The following RBFOX1 variants were observed in gnomAD, a reference collection of about 807,000 sequenced individuals.
RBFOX1 encodes RNA binding fox-1 homolog 1, also known as RNA binding protein fox-1 homolog 1.
Under a neutral mutation model 57.7 loss-of-function variants are expected in RBFOX1, and 8 were observed. The ratio of observed to expected loss-of-function variants is 0.14; its 90% confidence interval spans 0.08 to 0.25. The LOEUF is 0.25. Ranked by LOEUF, RBFOX1 falls within the 10% of genes least tolerant of loss-of-function variation. The pLI is 1.00. For missense variants in RBFOX1, 611 were observed against 548.5 expected, an observed-to-expected ratio of 1.11 and a Z score of -1.14; for synonymous variants, 326 against 222.4, an observed-to-expected ratio of 1.47 and a Z score of -4.15.
At chr16:6,316,134 G>T (rs2081090980) in intron 1 of RBFOX1, among the ~76,000 whole-genome samples, 1 of 152,130 alleles carries the variant, frequency 6.6e-6, no homozygotes, top group Non-Finnish European at 1.5e-5. Context: ...TCCCGTCTCT[G>T]CTACTTAAGT....
chr16:7,176,863 G>C (rs768066806), intron 4 of RBFOX1, among the ~76,000 whole-genome samples: 21 of 152,150 alleles, frequency 1.4e-4, no homozygotes, highest in Non-Finnish European at 1.3e-4. Context: ...GTAAGACAGA[G>C]AGAAAGCAGG....
At chr16:7,440,656 C>T (rs764872313) in intron 4 of RBFOX1, among the ~76,000 whole-genome samples, 1 of 152,120 alleles carries the variant, frequency 6.6e-6, no homozygotes, top group Non-Finnish European at 1.5e-5. Context: ...ACAGGTTTTG[C>T]TCCAAGACTC....
intron 4 of RBFOX1, among the ~76,000 whole-genome samples, chr16:7,174,312 T>C (rs1252233551): frequency 6.6e-6 from 1 of 152,232 alleles, no homozygotes; most frequent in Admixed American, 6.5e-5. Flanking sequence ...TTTATCCATT[T>C]ACCCATTTAT....
At chr16:6,935,672 C>G (rs779925631) in intron 3 of RBFOX1, among the ~76,000 whole-genome samples, 1 of 152,170 alleles carries the variant, frequency 6.6e-6, no homozygotes, top group Non-Finnish European at 1.5e-5. Flanking sequence ...ATGTAATGTG[C>G]CTTATTCAAA....
intron 14 of RBFOX1, among the ~76,000 whole-genome samples, chr16:7,703,887 A>G (rs915489124): frequency 1.3e-5 from 2 of 152,212 alleles, no homozygotes; most frequent in Non-Finnish European, 2.9e-5. Flanking sequence ...ATGTGATTAT[A>G]TTAGAATGGA....
chr16:6,456,603 A>T (rs899492694), intron 2 of RBFOX1, among the ~76,000 whole-genome samples: 1 of 152,204 alleles, frequency 6.6e-6, no homozygotes, highest in Non-Finnish European at 1.5e-5. Flanking sequence ...ATTTAGAAAG[A>T]TAACTCTCCC....
At chr16:6,153,037 T>G (rs1039336427) in intron 1 of RBFOX1, among the ~76,000 whole-genome samples, 3 of 149,074 alleles carry the variant, frequency 2.0e-5, no homozygotes, top group South Asian at 2.1e-4. Flanking sequence ...TTTTCTGTTT[T>G]TTTTTTTTTT....
intron 2 of RBFOX1, among the ~76,000 whole-genome samples, chr16:6,542,307 TC>T (rs1271297446): frequency 1.3e-5 from 2 of 152,034 alleles, no homozygotes; most frequent in South Asian, 2.1e-4. Flanking sequence ...CTTTTCTCTT[TC>T]TTGAGTAGCA....
intron 3 of RBFOX1, among the ~76,000 whole-genome samples, chr16:5,617,236 C>T (rs1259260623): frequency 6.6e-6 from 1 of 152,172 alleles, no homozygotes; most frequent in Non-Finnish European, 1.5e-5. Context: ...TAGCACATGG[C>T]ATTCCTCTAA....
chr16:7,416,281 C>G (rs1181821621), intron 4 of RBFOX1, among the ~76,000 whole-genome samples: 1 of 152,216 alleles, frequency 6.6e-6, no homozygotes, highest in African/African-American at 2.4e-5. Context: ...TCAGACTACT[C>G]TGTGCCCGGA....
chr16:5,717,856 C>G (rs1359508736), intron 3 of RBFOX1, among the ~76,000 whole-genome samples: 1 of 152,190 alleles, frequency 6.6e-6, no homozygotes, highest in East Asian at 1.9e-4. Context: ...GTATTTTTGA[C>G]CATCTGTTTA....
chr16:7,567,619 C>CTATATA lies in RBFOX1; in HGVS notation c.271-12146_271-12141dup, dbSNP rs368067278. Among the ~76,000 whole-genome samples, 114 of 25,146 alleles carry CTATATA rather than the reference C, an allele frequency of 4.5e-3. 3 individuals are homozygous for CTATATA. The highest frequency in any genetic ancestry group is 0.021 in the South Asian group (18 of 862). 16.5% of individuals were successfully genotyped at this position (25,146 alleles called of 152,430 possible). ...TATATATATATCCCTTTATATGGCC[C>CTATATA]TATATATATATATATATCCCTATAT... On this transcript the variant is annotated intron_variant, in intron 5 of 15. Transcript: ENST00000550418.
chr16:7,163,311 C>T (rs927028034), intron 4 of RBFOX1, among the ~76,000 whole-genome samples: 1 of 152,050 alleles, frequency 6.6e-6, no homozygotes, highest in African/African-American at 2.4e-5. Flanking sequence ...GAGCCCTTGT[C>T]CCCTGGTGAT....
At chr16:5,424,482 A>C (rs1191952740) in intron 1 of RBFOX1, among the ~76,000 whole-genome samples, 1 of 151,804 alleles carries the variant, frequency 6.6e-6, no homozygotes, top group Non-Finnish European at 1.5e-5. Context: ...AAGATAGGCC[A>C]GGGGCCCAGC....
chr16:6,293,611 T>C (rs776859864), intron 1 of RBFOX1, among the ~76,000 whole-genome samples: 1 of 152,108 alleles, frequency 6.6e-6, no homozygotes, highest in Non-Finnish European at 1.5e-5. Context: ...TGTGATACCT[T>C]ATGCCGTATC....
chr16:6,648,281 C>G (rs12935355), intron 2 of RBFOX1, among the ~76,000 whole-genome samples: 33,892 of 150,624 alleles, frequency 0.23, 3,901 homozygotes, highest in African/African-American at 0.27. Flanking sequence ...GGCTGGTCTT[C>G]AACTCCTGGA....
intron 3 of RBFOX1, among the ~76,000 whole-genome samples, chr16:6,686,223 C>G (rs1368783125): frequency 6.6e-6 from 1 of 152,144 alleles, no homozygotes; most frequent in Admixed American, 6.5e-5. Flanking sequence ...TCTTATCACT[C>G]AGGTAGAGGT....
chr16:6,685,381 T>C (rs62015868), intron 3 of RBFOX1, among the ~76,000 whole-genome samples: 70,297 of 146,834 alleles, frequency 0.48, 19,307 homozygotes, highest in Non-Finnish European at 0.6. Context: ...GTTCAAGCAA[T>C]TCTCTTGCCT....
chr16:6,295,099 G>GTTTTT (rs563055676), intron 1 of RBFOX1, among the ~76,000 whole-genome samples: 2 of 96,004 alleles, frequency 2.1e-5, no homozygotes, highest in African/African-American at 8.5e-5. Flanking sequence ...TAAGCAGTGA[G>GTTTTT]TTTTTTTTTT....
Sources: gnomAD v4.1 joint callset for allele counts (sites outside exome capture counted in the v4.1 genomes callset) on GRCh38, gnomAD v4.1.1 for gene constraint, MANE v1.5 for transcripts, NCBI Gene and HGNC (gene_info 2026-07-23, HGNC 2026-07-21) for gene names.